ARMC10: variants seen among roughly 807,000 people sequenced by gnomAD.
The protein encoded by ARMC10 is armadillo repeat-containing protein 10.
Under a neutral mutation model 30.2 loss-of-function variants are expected in ARMC10, and 23 were observed. That is an observed-to-expected ratio of 0.76 (90% CI 0.55 to 1.08). ARMC10 has a LOEUF of 1.08. Ranked by LOEUF, ARMC10 falls within the 50% of genes least tolerant of loss-of-function variation. The probability of loss-of-function intolerance (pLI) is 0.00; values close to 1 mark genes in which losing one functional copy is unlikely to be tolerated. For synonymous variants in ARMC10, 111 were observed against 164.4 expected (o/e 0.68, Z 2.48); for missense variants, 303 against 413.7 (o/e 0.73, Z 2.32).
At chr7:103,083,857 C>A in intron 3 of ARMC10, 27 bp downstream of exon 3, 2 of 1,609,162 alleles carry the variant, frequency 1.2e-6, no homozygotes, top group Non-Finnish European at 1.7e-6. Flanking sequence ...AGCAAGCAAG[C>A]TCTTTCCATT....
In ARMC10 at chr7:103,099,610, T is replaced by C. The variant is rs1585803410; in HGVS notation, c.*1057T>C. 1 of 51,776 alleles carries C rather than the reference T, an allele frequency of 1.9e-5. No individual in the cohort carries two copies. Among genetic ancestry groups the C allele is most frequent in the Non-Finnish European group, 6.0e-5 (1 of 16,680 alleles). The allele number at this position is 51,776 out of a possible 1,614,324, so 3.2% of individuals were successfully genotyped here. On this transcript the variant is annotated 3_prime_UTR_variant, in exon 7 of 7. Transcript: ENST00000323716. ...TGTGTGTGTTTGAATGAAAAATGCT[T>C]ATGTATTGACAGAACACTTCTAGAA...
chr7:103,091,470 A>G (rs779157331), intron 4 of ARMC10, among the ~76,000 whole-genome samples: 2 of 137,090 alleles, frequency 1.5e-5, no homozygotes, highest in Non-Finnish European at 3.1e-5. Flanking sequence ...ATAGTTAACA[A>G]TATTATGAAG....
At chr7:103,076,968 C>T (rs773152205) in intron 2 of ARMC10, among the ~76,000 whole-genome samples, 1 of 152,204 alleles carries the variant, frequency 6.6e-6, no homozygotes, top group African/African-American at 2.4e-5. Flanking sequence ...GCTGCAGCGG[C>T]GCAATCACAG....
Position 103,075,774 on chromosome 7 carries a change from C to G in ARMC10, c.140-3C>G, listed in dbSNP as rs777901204. 1 of 1,603,468 alleles carries G rather than the reference C, an allele frequency of 6.2e-7. No homozygotes were observed. Among genetic ancestry groups the G allele is most frequent in the African/African-American group, 1.3e-5 (1 of 74,906 alleles). On this transcript the variant is annotated splice_region_variant and splice_polypyrimidine_tract_variant and intron_variant, in intron 1 of 6. Transcript: ENST00000323716. ...AGAGCCATAGGTCAATCTCTGCTTG[C>G]AGGTGCCCTGGAAGAAGGGACGTCA...
At chr7:103,088,747 G>A (rs894738808) in intron 4 of ARMC10, 2 of 190,236 alleles carry the variant, frequency 1.1e-5, no homozygotes, top group African/African-American at 4.8e-5. Context: ...CCAACATATA[G>A]TGAGAACTTA....
chr7:103,093,270 G>A (rs761163101), intron 5 of ARMC10, among the ~76,000 whole-genome samples: 21 of 152,136 alleles, frequency 1.4e-4, no homozygotes, highest in African/African-American at 4.1e-4. Flanking sequence ...CTGATAAGTC[G>A]GGTTGATTGT....
intron 5 of ARMC10, 128 bp from the exon 6 acceptor site, chr7:103,097,149 G>C (rs1167551262): frequency 1.3e-6 from 1 of 753,798 alleles, no homozygotes; most frequent in Non-Finnish European, 2.3e-6. Context: ...CTGGAGTAGA[G>C]AGAATTTGAG....
At position 103,083,651 on chromosome 7, in the gene ARMC10, C is replaced by G. The variant is rs114942815; in HGVS notation, c.245-31C>G. ...AAAAATAACCTCGTATTGATTTTAG[C>G]TTAACTTCAAATAACTTTCTTCTTA... On this transcript the variant is annotated intron_variant, in intron 2 of 6. Coordinates refer to ENST00000323716, the MANE Select transcript of ARMC10 (RefSeq NM_031905.5). 19 of 1,585,316 alleles carry G rather than the reference C, an allele frequency of 1.2e-5. No homozygotes were observed. In the Admixed American group the frequency reaches 3.3e-4, roughly 28 times the overall value.
Position 103,087,696 on chromosome 7 carries a change from C to A in ARMC10, c.528+932C>A, listed in dbSNP as rs1034828976. 8 of 824,920 alleles carry A rather than the reference C, an allele frequency of 9.7e-6. No individual in the cohort carries two copies. The African/African-American group carries it at 1.5e-4, about 15-fold the overall frequency. 51.1% of individuals were successfully genotyped at this position (824,920 alleles called of 1,614,324 possible). Reference sequence around the variant, plus strand: ...AACAACAAATAACCAAACTTTATTTCCTTGAATATAATGTTGATGGCAAGA... The same window carrying A: ...AACAACAAATAACCAAACTTTATTTACTTGAATATAATGTTGATGGCAAGA... On this transcript the variant is annotated intron_variant, in intron 4 of 6. Coordinates refer to ENST00000323716, the MANE Select transcript of ARMC10 (RefSeq NM_031905.5).
At chr7:103,076,058 G>GA (rs1181287797) in intron 2 of ARMC10, among the ~76,000 whole-genome samples, 177 bp downstream of exon 2, 1 of 152,202 alleles carries the variant, frequency 6.6e-6, no homozygotes, top group Non-Finnish European at 1.5e-5. Context: ...TGCCATCCAA[G>GA]AAACTCCTGT....
At chr7:103,081,024 T>C (rs971427502) in intron 2 of ARMC10, among the ~76,000 whole-genome samples, 3 of 152,242 alleles carry the variant, frequency 2.0e-5, no homozygotes, top group Non-Finnish European at 4.4e-5. Context: ...TTTGCTATTA[T>C]TAATCAGCTA....
chr7:103,092,192 G>T (rs1801394380), intron 4 of ARMC10, among the ~76,000 whole-genome samples: 1 of 152,010 alleles, frequency 6.6e-6, no homozygotes, highest in African/African-American at 2.4e-5. Context: ...AATTAGCCGG[G>T]CGTGGTGGCG....
intron 2 of ARMC10, among the ~76,000 whole-genome samples, chr7:103,079,736 CA>C (rs1563317081): frequency 6.6e-6 from 1 of 152,118 alleles, no homozygotes; most frequent in Non-Finnish European, 1.5e-5. Context: ...CATGCAGTAA[CA>C]ATTCAAAATT....
chr7:103,084,590 T>C (rs189538182), intron 3 of ARMC10, among the ~76,000 whole-genome samples: 9 of 152,356 alleles, frequency 5.9e-5, no homozygotes, highest in African/African-American at 1.9e-4. Context: ...AGGGAAAATA[T>C]TGAGCTCAGC....
intron 2 of ARMC10, among the ~76,000 whole-genome samples, chr7:103,080,400 A>G (rs1800274425): frequency 6.6e-6 from 1 of 151,894 alleles, no homozygotes; most frequent in Non-Finnish European, 1.5e-5. Flanking sequence ...GACTACAGGC[A>G]TGTGCCACCA....
chr7:103,093,710 G>A (rs532514655), intron 5 of ARMC10, among the ~76,000 whole-genome samples: 1 of 152,290 alleles, frequency 6.6e-6, no homozygotes, highest in East Asian at 1.9e-4. Context: ...CACTGTAGGA[G>A]AAATCTCTCC....
chr7:103,083,967 TA>T, intron 3 of ARMC10, 137 bp downstream of exon 3: 2 of 1,464,492 alleles, frequency 1.4e-6, no homozygotes, highest in Admixed American at 4.3e-5. Context: ...ACTTAAAACA[TA>T]ATGTTTGTTT....
At chr7:103,090,568 C>T (rs969228429) in intron 4 of ARMC10, among the ~76,000 whole-genome samples, 40 of 152,092 alleles carry the variant, frequency 2.6e-4, no homozygotes, top group African/African-American at 9.7e-4. Context: ...GGTGCAACCT[C>T]AGCTCACTGC....
chr7:103,092,539 G>A lies in ARMC10; in HGVS notation c.591G>A (p.Leu197=), dbSNP rs754943001. 1.2e-5 allele frequency: 19 copies of A among 1,610,162 alleles called. No individual in the cohort carries two copies. The highest frequency in any genetic ancestry group is 1.7e-5 in the Admixed American group (1 of 59,934). The change falls in exon 5 of 7, where the codon CTG becomes CTA. Residue 197 remains leucine, a synonymous_variant. Transcript: ENST00000323716. ...FSGPLNSAVQ[L]AGLTLLTNMT... ...GTCCTCTGAACTCTGCTGTGCAGCT[G>A]GCTGGACTGACATTGTTGACAAACA...
Sources: allele counts gnomAD v4.1 joint callset (sites outside exome capture counted in the v4.1 genomes callset), GRCh38; gene constraint gnomAD v4.1.1; transcripts MANE v1.5; gene names NCBI Gene and HGNC (gene_info 2026-07-23, HGNC 2026-07-21).